The following ANKDD1A variants were observed in gnomAD, a reference collection of about 807,000 sequenced individuals.
ANKDD1A encodes the protein ankyrin repeat and death domain containing 1A.
A neutral mutation model predicts 63.5 loss-of-function variants in ANKDD1A; 59 were observed. That is an observed-to-expected ratio of 0.93 (90% CI 0.75 to 1.15). The LOEUF is 1.15. Among genes scored for constraint, ANKDD1A ranks in the 50% most tolerant of loss-of-function variants. The pLI is 0.00. For synonymous variants in ANKDD1A, 266 were observed against 263.9 expected, an observed-to-expected ratio of 1.01 and a Z score of -0.08; for missense variants, 632 against 656.4, an observed-to-expected ratio of 0.96 and a Z score of 0.41.
intron 10 of ANKDD1A, 56 bp from the exon 11 acceptor site, chr15:64,943,428 T>C: frequency 6.9e-7 from 1 of 1,444,540 alleles, no homozygotes; most frequent in Non-Finnish European, 9.7e-7. Context: ...TGACTTAGGG[T>C]AGTGGGCCAC....
intron 9 of ANKDD1A, among the ~76,000 whole-genome samples, chr15:64,939,710 T>A (rs1201787466): frequency 6.6e-6 from 1 of 152,206 alleles, no homozygotes; most frequent in Non-Finnish European, 1.5e-5. Context: ...CCCAGCTGAT[T>A]TTTATTGAAG....
chr15:64,944,716 T>C lies in ANKDD1A; in HGVS notation c.1130T>C (p.Ile377Thr). Residue 377 changes from isoleucine to threonine, a missense_variant, in exon 12 of 15, where the codon ATA becomes ACA. By Grantham distance (89) the Ile-to-Thr change is moderately conservative. Coordinates refer to ENST00000319580, the MANE Select transcript of ANKDD1A (RefSeq NM_182703.6). ...CATGTCAGCCTGGTGGACATGATCA[T>C]AAAAGCTGATCGTTTCTACAGATGG... is the stretch of plus-strand genomic sequence containing the variant. ...SNHVSLVDMI[I>T]KADRFYRWEK... is the part of the protein sequence containing the mutation. The C allele has an allele frequency of 3.1e-6, 5 of 1,614,110 alleles. No individual in the cohort carries two copies. The highest frequency in any genetic ancestry group is 4.2e-6 in the Non-Finnish European group (5 of 1,179,994).
At position 64,957,243 on chromosome 15, in the gene ANKDD1A, A is replaced by G. The variant is rs1423470760; in HGVS notation, c.*55A>G. On this transcript the variant is annotated 3_prime_UTR_variant, in exon 15 of 15. Transcript: ENST00000319580. ...TGGCTAATTTTTGTATTTTTAGTAGAGATGGGGTTTGGCCATGATGGCCAG... is the reference window on the plus strand; with the variant it reads ...TGGCTAATTTTTGTATTTTTAGTAGGGATGGGGTTTGGCCATGATGGCCAG... The G allele has an allele frequency of 6.2e-6, 2 of 320,816 alleles. No individual in the cohort carries two copies. The highest frequency in any genetic ancestry group is 4.6e-5 in the African/African-American group (2 of 43,720). 19.9% of individuals were successfully genotyped at this position (320,816 alleles called of 1,614,324 possible).
chr15:64,953,051 TC>T lies in ANKDD1A; in HGVS notation c.1483+3080del, dbSNP rs1246883653. On this transcript the variant is annotated intron_variant, in intron 14 of 14. Coordinates refer to ENST00000319580, the MANE Select transcript of ANKDD1A (RefSeq NM_182703.6). ...CTCCTTCTTCCTTTCTTCTTTCCTC[TC>T]TTTTTTCTTCCTCTTTCCTTCTTTC... 0.016 allele frequency among the ~76,000 whole-genome samples: 51 copies of T among 3,092 alleles called. 1 individual carries two copies. In the East Asian group the frequency reaches 0.5, roughly 30 times the overall value. 2.0% of individuals were successfully genotyped at this position (3,092 alleles called of 152,430 possible).
chr15:64,950,332 A>AC (rs2085259668), intron 14 of ANKDD1A: 2 of 985,302 alleles, frequency 2.0e-6, no homozygotes, highest in African/African-American at 3.5e-5. Context: ...AAACATTAAG[A>AC]CATAGGAGCC....
intron 14 of ANKDD1A, among the ~76,000 whole-genome samples, chr15:64,952,114 TCTTTCTTC>T (rs1278125094): frequency 0.092 from 1,378 of 14,900 alleles, 22 homozygotes; most frequent in African/African-American, 0.12. Flanking sequence ...CTTTTCTTCT[TCTTTCTTC>T]TCTTTCTTCT....
intron 3 of ANKDD1A, among the ~76,000 whole-genome samples, chr15:64,921,311 A>C (rs1434331725): frequency 6.6e-6 from 1 of 152,220 alleles, no homozygotes; most frequent in East Asian, 1.9e-4. Context: ...GGTTCCTTAC[A>C]AATTTTTTCT....
chr15:64,954,059 CTTCTTTCTTCTTCCTCTTTTCTTCTTCT>C (rs2085372576), intron 14 of ANKDD1A, among the ~76,000 whole-genome samples: 1 of 3,980 alleles, frequency 2.5e-4, no homozygotes, highest in Non-Finnish European at 1.7e-3. Context: ...TTTTCTCCTT[CTTCTTTCTTCTTCCTCTTTTCTTCTTCT>C]TTCTCCTCCC....
intron 14 of ANKDD1A, chr15:64,950,287 G>C (rs2085259284): frequency 2.0e-6 from 2 of 985,224 alleles, no homozygotes; most frequent in Non-Finnish European, 2.4e-6. Context: ...TTCCATTTTG[G>C]AATAAGCCTG....
At chr15:64,952,455 T>TCTTCTCCTTCTTC (rs1367103412) in intron 14 of ANKDD1A, among the ~76,000 whole-genome samples, 1 of 148,518 alleles carries the variant, frequency 6.7e-6, no homozygotes, top group South Asian at 2.3e-4. Context: ...TCTTCTTAGT[T>TCTTCTCCTTCTTC]CTTCTCCTTC....
In ANKDD1A at chr15:64,921,935, G is replaced by T. The variant is rs767882746; in HGVS notation, c.282G>T (p.Ala94=). 1 of 1,614,092 alleles carries T rather than the reference G, an allele frequency of 6.2e-7. No individual in the cohort carries two copies. ...TEARLCFGMN[A]LLLSAWFGHL... The stretch of plus-strand genomic sequence containing the variant: ...CTCTCCCCTAGTTTGGGATGAATGC[G>T]CTTCTCCTGTCTGCCTGGTTCGGCC... The change falls in exon 4 of 15, where the codon GCG becomes GCT. Residue 94 remains alanine, a synonymous_variant. Coordinates refer to ENST00000319580, the MANE Select transcript of ANKDD1A (RefSeq NM_182703.6).
chr15:64,922,098 C>T, intron 4 of ANKDD1A, 79 bp downstream of exon 4: 1 of 1,356,310 alleles, frequency 7.4e-7, no homozygotes, highest in Non-Finnish European at 1.0e-6. Context: ...CCTCTGTCCC[C>T]CACCCCTGCT....
rs575685284 is a variant in ANKDD1A, at chr15:64,944,085, G to C, written c.1065+503G>C. Among the ~76,000 whole-genome samples, 10 of 152,330 alleles carry C rather than the reference G, an allele frequency of 6.6e-5. No homozygotes were observed. The East Asian group carries it at 1.9e-3, about 29-fold the overall frequency. ...CATGTGACTCAGCGAGGCCAGCCTA[G>C]TATGGTGTGGGGTAGAGCTGGGGGG... On this transcript the variant is annotated intron_variant, in intron 11 of 14. Transcript: ENST00000319580.
intron 10 of ANKDD1A, among the ~76,000 whole-genome samples, chr15:64,943,048 T>C (rs945890371): frequency 1.3e-5 from 2 of 152,226 alleles, no homozygotes; most frequent in Admixed American, 1.3e-4. Flanking sequence ...GCAGAATATG[T>C]CATATACCTT....
At chr15:64,952,890 TTCCTTC>T (rs1291165700) in intron 14 of ANKDD1A, among the ~76,000 whole-genome samples, 1 of 116,570 alleles carries the variant, frequency 8.6e-6, no homozygotes, top group Non-Finnish European at 1.9e-5. Context: ...CTTCTCCTTC[TTCCTTC>T]TCCTTCCTTC....
intron 6 of ANKDD1A, among the ~76,000 whole-genome samples, chr15:64,929,686 C>A (rs576692802): frequency 6.6e-6 from 1 of 152,204 alleles, no homozygotes; most frequent in Non-Finnish European, 1.5e-5. Flanking sequence ...CACCTGAAGA[C>A]CCTCCTACAT....
At chr15:64,947,688 C>T in intron 13 of ANKDD1A, 95 bp downstream of exon 13, 13 of 1,429,050 alleles carry the variant, frequency 9.1e-6, no homozygotes, top group Non-Finnish European at 1.2e-5. Flanking sequence ...GGTGAAAGGG[C>T]CTGTGCAACC....
chr15:64,921,536 G>A (rs770993483), intron 3 of ANKDD1A, among the ~76,000 whole-genome samples: 5 of 151,910 alleles, frequency 3.3e-5, no homozygotes, highest in South Asian at 2.1e-4. Flanking sequence ...CACCACGCTC[G>A]GCTAATTTTT....
intron 11 of ANKDD1A, 155 bp downstream of exon 11, chr15:64,943,737 C>G (rs2085203302): frequency 2.9e-6 from 2 of 684,490 alleles, no homozygotes. Flanking sequence ...TCCAGGAAGC[C>G]TTCCTGACCT....
Sources: allele counts gnomAD v4.1 joint callset (sites outside exome capture counted in the v4.1 genomes callset), GRCh38; gene constraint gnomAD v4.1.1; transcripts MANE v1.5; gene names NCBI Gene and HGNC (gene_info 2026-07-23, HGNC 2026-07-21).